The following DENND5B variants were observed in gnomAD, a reference collection of about 807,000 sequenced individuals.
DENND5B encodes DENN domain-containing protein 5B.
DENND5B carries 34 observed loss-of-function variants against 140.6 expected under a neutral mutation model. The observed-to-expected ratio is 0.24, with a 90% CI of 0.18 to 0.32. The LOEUF is 0.32. DENND5B is among the 10% of genes least tolerant of loss of function. The pLI is 1.00. For missense variants in DENND5B, 1,142 were observed against 1,560.2 expected (o/e 0.73, Z 4.52); for synonymous variants, 551 against 562.1 (o/e 0.98, Z 0.28).
At chr12:31,567,116 C>T (rs1259412) in intron 1 of DENND5B, among the ~76,000 whole-genome samples, 11,849 of 152,126 alleles carry the variant, frequency 0.078, 1,054 homozygotes, top group African/African-American at 0.22. Flanking sequence ...GAGCCTATCC[C>T]TATTTGTTAT....
At chr12:31,448,858 C>CA (rs150346972) in intron 5 of DENND5B, among the ~76,000 whole-genome samples, 52,208 of 151,424 alleles carry the variant, frequency 0.34, 10,052 homozygotes, top group Non-Finnish European at 0.46. Context: ...AAAAAACAAA[C>CA]AAACAAAAAC....
intron 14 of DENND5B, among the ~76,000 whole-genome samples, chr12:31,404,364 A>G (rs940397367): frequency 4.3e-4 from 66 of 152,196 alleles, no homozygotes; most frequent in Non-Finnish European, 8.2e-4. Flanking sequence ...CAGCCCAATC[A>G]GTGTTCACTG....
At chr12:31,475,626 G>C (rs1484924026) in intron 3 of DENND5B, among the ~76,000 whole-genome samples, 1 of 152,152 alleles carries the variant, frequency 6.6e-6, no homozygotes, top group Non-Finnish European at 1.5e-5. Flanking sequence ...ATGCATGCCT[G>C]TAGTCCCAGC....
intron 15 of DENND5B, among the ~76,000 whole-genome samples, chr12:31,400,912 C>T (rs1195760532): frequency 1.3e-5 from 2 of 150,918 alleles, no homozygotes; most frequent in African/African-American, 4.9e-5. Flanking sequence ...GTGCAATCTC[C>T]GCTCACCACA....
chr12:31,427,755 G>C (rs570338347), intron 8 of DENND5B, among the ~76,000 whole-genome samples: 3 of 152,242 alleles, frequency 2.0e-5, no homozygotes, highest in Admixed American at 2.0e-4. Context: ...GGCTGGTAGT[G>C]GGGGGCAGCA....
intron 1 of DENND5B, 48 bp downstream of exon 1, chr12:31,590,658 C>A (rs369687591): frequency 7.1e-7 from 1 of 1,417,954 alleles, no homozygotes; most frequent in Admixed American, 3.1e-5. Context: ...CCCACAGCGT[C>A]CCCCGCGCCC....
chr12:31,578,452 T>C lies in DENND5B; in HGVS notation c.127+12254A>G, dbSNP rs568500198. On this transcript the variant is annotated intron_variant, in intron 1 of 20. Transcript: ENST00000389082. ...TTTATTAATATGTGGAAACTATTCATAGCTCATCAGTAACGGTAGCTTACC... is the reference window on the plus strand; with the variant it reads ...TTTATTAATATGTGGAAACTATTCACAGCTCATCAGTAACGGTAGCTTACC... 3.9e-5 allele frequency among the ~76,000 whole-genome samples: 6 copies of C among 152,356 alleles called. 1 individual carries two copies. Among genetic ancestry groups the C allele is most frequent in the African/African-American group, 1.2e-4 (5 of 41,588 alleles).
At chr12:31,488,219 A>C (rs1249347678) in intron 2 of DENND5B, among the ~76,000 whole-genome samples, 1 of 149,108 alleles carries the variant, frequency 6.7e-6, no homozygotes, top group East Asian at 2.0e-4. Context: ...CAAGTGATCC[A>C]CTCGCCTCAG....
rs369444538 is a variant in DENND5B at position 31,479,683 on chromosome 12, G to A, written c.810C>T (p.Pro270=). 71 of 1,591,078 alleles carry A rather than the reference G, an allele frequency of 4.5e-5. No individual in the cohort carries two copies. The highest frequency in any genetic ancestry group is 9.1e-5 in the East Asian group (4 of 44,194). ...CCAGGAGCTCAAATGCCTCCCGAAG[G>A]GGGTAATCAGAGAGGGGGAGTTCAC... The part of the protein sequence containing the change: ...GPSELPLSDY[P]LREAFELLGL... The change falls in exon 3 of 21, where the codon CCC becomes CCT. Residue 270 remains proline, a synonymous_variant. Coordinates refer to ENST00000389082, the MANE Select transcript of DENND5B (RefSeq NM_144973.4).
intron 1 of DENND5B, among the ~76,000 whole-genome samples, chr12:31,583,471 G>A (rs918643328): frequency 1.3e-5 from 2 of 151,750 alleles, no homozygotes; most frequent in African/African-American, 4.8e-5. Context: ...GAGGTCAGGA[G>A]TTCAAGACCA....
At position 31,409,279 on chromosome 12, in the gene DENND5B, A is replaced by G. The variant is rs375148098; in HGVS notation, c.2787T>C (p.Ser929=). ...TAGACTTACTGATAGTGGTGAACACACTGGTGAAGCAGAAATAGTCCACAG... is the reference window on the plus strand; with the variant it reads ...TAGACTTACTGATAGTGGTGAACACGCTGGTGAAGCAGAAATAGTCCACAG... The part of the protein sequence containing the change: ...LNAVDYFCFT[S]VFTTIMIPYR... Residue 929 remains serine, a synonymous_variant, in exon 14 of 21, where the codon AGT becomes AGC. Coordinates refer to ENST00000389082, the MANE Select transcript of DENND5B (RefSeq NM_144973.4). 3.7e-5 allele frequency: 59 copies of G among 1,574,496 alleles called. No homozygotes were observed. The highest frequency in any genetic ancestry group is 4.7e-5 in the Non-Finnish European group (55 of 1,159,172).
intron 1 of DENND5B, among the ~76,000 whole-genome samples, chr12:31,534,139 T>C (rs1185075339): frequency 2.0e-5 from 3 of 152,068 alleles, no homozygotes; most frequent in Non-Finnish European, 4.4e-5. Flanking sequence ...AATCAGTTTC[T>C]GTTCAACTTG....
At chr12:31,483,440 ATCTT>A (rs965358932) in intron 2 of DENND5B, among the ~76,000 whole-genome samples, 2 of 149,182 alleles carry the variant, frequency 1.3e-5, no homozygotes, top group African/African-American at 4.9e-5. Flanking sequence ...TATAGTATAC[ATCTT>A]TTTTTTTTTT....
intron 10 of DENND5B, 105 bp from the exon 11 acceptor site, chr12:31,423,780 C>T: frequency 1.9e-6 from 2 of 1,069,554 alleles, no homozygotes; most frequent in South Asian, 1.4e-5. Context: ...AGTCTGGTGA[C>T]CCAAGCTCAC....
chr12:31,460,201 G>A lies in DENND5B; in HGVS notation c.1085C>T (p.Pro362Leu). Residue 362 changes from proline (P) to leucine (L), a missense_variant, in exon 4 of 21, where the codon CCT (proline) becomes CTT (leucine). By Grantham distance (98) the Pro-to-Leu change is moderately conservative. Around this residue, in one of 5 missense-constraint regions of DENND5B, gnomAD observed 708 missense variants for 905.5 expected, o/e 0.78. Transcript: ENST00000389082. ...CATTCATTGTAGTTTTACCTCTTGAGGAAGTTCTAGTTTAGAACGGTCAGT... is the reference window on the plus strand; with the variant it reads ...CATTCATTGTAGTTTTACCTCTTGAAGAAGTTCTAGTTTAGAACGGTCAGT... ...EGTDRSKLEL[P>L]QEANLCFVDI... is the part of the protein sequence containing the mutation. 6.2e-7 allele frequency: 1 copy of A among 1,610,206 alleles called. No homozygotes were observed. Among genetic ancestry groups the A allele is most frequent in the Non-Finnish European group, 8.5e-7 (1 of 1,177,774 alleles).
chr12:31,439,464 T>C (rs969956204), intron 7 of DENND5B, among the ~76,000 whole-genome samples: 2 of 147,142 alleles, frequency 1.4e-5, no homozygotes, highest in African/African-American at 5.0e-5. Context: ...TCATCTGACA[T>C]GTTACTTGAC....
At chr12:31,399,074 A>G (rs1361679660) in intron 16 of DENND5B, among the ~76,000 whole-genome samples, 23 of 136,266 alleles carry the variant, frequency 1.7e-4, no homozygotes, top group Non-Finnish European at 3.3e-4. Context: ...GTGAGCCGAG[A>G]TTGCGCCATT....
At chr12:31,491,134 G>C (rs1197421358) in intron 2 of DENND5B, among the ~76,000 whole-genome samples, 1 of 152,160 alleles carries the variant, frequency 6.6e-6, no homozygotes, top group Non-Finnish European at 1.5e-5. Context: ...ATGTGAAAGT[G>C]GGGTGGGGGA....
At chr12:31,545,254 T>C (rs1948817153) in intron 1 of DENND5B, among the ~76,000 whole-genome samples, 1 of 152,230 alleles carries the variant, frequency 6.6e-6, no homozygotes, top group African/African-American at 2.4e-5. Flanking sequence ...CAACTTTTAT[T>C]TTAGATACAG....
Sources: gnomAD v4.1 joint callset for allele counts (sites outside exome capture counted in the v4.1 genomes callset) on GRCh38, gnomAD v4.1.1 for gene constraint, gnomAD v4.1.1 regional missense constraint, MANE v1.5 for transcripts, NCBI Gene and HGNC (gene_info 2026-07-23, HGNC 2026-07-21) for gene names.